Variants in IYD observed in about 807,000 individuals in gnomAD.
The protein encoded by IYD is iodotyrosine deiodinase.
A neutral mutation model predicts 28.4 loss-of-function variants in IYD; 25 were observed. The observed-to-expected ratio is 0.88, with a 90% CI of 0.64 to 1.23. The LOEUF is 1.23. Among genes scored for constraint, IYD ranks in the 50% most tolerant of loss-of-function variants. IYD has a pLI of 0.00. For missense variants in IYD, 352 were observed against 357.9 expected, an observed-to-expected ratio of 0.98 and a Z score of 0.13; for synonymous variants, 140 against 130.8, an observed-to-expected ratio of 1.07 and a Z score of -0.48.
chr6:150,372,352 T>TTG (rs1204713539), intron 1 of IYD, among the ~76,000 whole-genome samples: 3 of 117,672 alleles, frequency 2.5e-5, no homozygotes, highest in Non-Finnish European at 5.4e-5. Flanking sequence ...GAACATTGTG[T>TTG]GTCCATGCTT....
At chr6:150,378,561 C>G (rs1455380027) in intron 1 of IYD, among the ~76,000 whole-genome samples, 1 of 152,154 alleles carries the variant, frequency 6.6e-6, no homozygotes, top group Non-Finnish European at 1.5e-5. Context: ...CACTGGCCAT[C>G]AGAGAAATGC....
rs187759242 is a variant in IYD at position 150,393,459 on chromosome 6, A to G, written c.531-640A>G. Among the ~76,000 whole-genome samples, 563 of 152,328 alleles carry G rather than the reference A, an allele frequency of 3.7e-3. 4 individuals carry two copies. The highest frequency in any genetic ancestry group is 6.8e-3 in the Middle Eastern group (2 of 294). On this transcript the variant is annotated intron_variant, in intron 3 of 4. Coordinates refer to ENST00000344419, the MANE Select transcript of IYD (RefSeq NM_203395.3). The stretch of plus-strand genomic sequence containing the variant: ...ACAAGTGAGTTTCGTGTGCTTTGGA[A>G]TGAGGAAGCATAACCAAGCTAGAAA...
rs1274395737 is a variant in IYD at position 150,399,235 on chromosome 6, A to G, written c.*998A>G. On this transcript the variant is annotated 3_prime_UTR_variant, in exon 5 of 5. Transcript: ENST00000344419. ...CTTGCAAGACAGTTATTAAACATTC[A>G]TAGCTTGAAATTGCCCATGGTGGGA... 6.6e-6 allele frequency: 1 copy of G among 152,232 alleles called. No individual in the cohort carries two copies. The highest frequency in any genetic ancestry group is 6.5e-5 in the Admixed American group (1 of 15,284). The allele number at this position is 152,232 out of a possible 1,614,324, so 9.4% of individuals were successfully genotyped here.
rs767358970 is a variant in IYD at position 150,392,385 on chromosome 6, C to T, written c.411C>T (p.Phe137=). 13 of 1,613,636 alleles carry T rather than the reference C, an allele frequency of 8.1e-6. No individual in the cohort carries two copies. The South Asian group carries it at 8.8e-5, about 11-fold the overall frequency. The part of the protein sequence containing the change: ...PSGAHTEPWT[F]VVVKDPDVKH... ...GGGCTCACACAGAGCCCTGGACCTT[C>T]GTGGTTGTGAAGGACCCAGACGTGA... Residue 137 remains phenylalanine (F), a synonymous_variant, in exon 3 of 5, where the codon TTC becomes TTT. Coordinates refer to ENST00000344419, the MANE Select transcript of IYD (RefSeq NM_203395.3).
chr6:150,398,686 C>CTT lies in IYD; in HGVS notation c.*460_*461dup, dbSNP rs61597872. On this transcript the variant is annotated 3_prime_UTR_variant, in exon 5 of 5. Coordinates refer to ENST00000344419, the MANE Select transcript of IYD (RefSeq NM_203395.3). The stretch of plus-strand genomic sequence containing the variant: ...TTTAGACACTAATTTTTGAGAACTA[C>CTT]TTTTTTTTTTTTACCAAACTTCAGG... The CTT allele has an allele frequency of 2.0e-5, 3 of 150,630 alleles. No individual in the cohort carries two copies. The highest frequency in any genetic ancestry group is 6.5e-5 in the Admixed American group (1 of 15,378). 9.3% of individuals were successfully genotyped at this position (150,630 alleles called of 1,614,324 possible).
At position 150,369,222 on chromosome 6, in the gene IYD, G is replaced by A. The variant is rs1036770217; in HGVS notation, c.178+13G>A. On this transcript the variant is annotated intron_variant, in intron 1 of 4. Coordinates refer to ENST00000344419, the MANE Select transcript of IYD (RefSeq NM_203395.3). ...CAAGCAGAAGAAGGTAAAGACACCAGCTATGCTGCTTAGCTTCGCTGTCGT... is the reference window on the plus strand; with the variant it reads ...CAAGCAGAAGAAGGTAAAGACACCAACTATGCTGCTTAGCTTCGCTGTCGT... 3 of 1,610,264 alleles carry A rather than the reference G, an allele frequency of 1.9e-6. No individual in the cohort carries two copies. In the South Asian group the frequency reaches 3.3e-5, roughly 18 times the overall value.
intron 4 of IYD, chr6:150,395,731 C>T: frequency 7.1e-6 from 5 of 708,948 alleles, no homozygotes; most frequent in Non-Finnish European, 1.3e-5. Flanking sequence ...ATAAGCGCGC[C>T]ATGCATGTCT....
intron 4 of IYD, chr6:150,396,071 A>T (rs74881079): frequency 0.13 from 28,332 of 221,162 alleles, 3,965 homozygotes; most frequent in African/African-American, 0.37. Flanking sequence ...TCGTAGCTCT[A>T]TAATTTTAAA....
rs1294956881 is a variant in IYD at position 150,401,886 on chromosome 6, C to T, written c.*3649C>T. On this transcript the variant is annotated 3_prime_UTR_variant, in exon 5 of 5. Coordinates refer to ENST00000344419, the MANE Select transcript of IYD (RefSeq NM_203395.3). ...ATTTTTAACTCAAAGTTGTGTCAGC[C>T]AGCACGGGGTAGAGCCATGGTCCTC... 1 of 152,198 alleles carries T rather than the reference C, an allele frequency of 6.6e-6. No homozygotes were observed. The highest frequency in any genetic ancestry group is 6.5e-5 in the Admixed American group (1 of 15,284). 9.4% of individuals were successfully genotyped at this position (152,198 alleles called of 1,614,324 possible).
At chr6:150,395,142 C>A (rs1405827956) in intron 4 of IYD, among the ~76,000 whole-genome samples, 1 of 152,200 alleles carries the variant, frequency 6.6e-6, no homozygotes. Context: ...TTCTACGTGG[C>A]AGTTCCTGGG....
chr6:150,373,865 T>A (rs1422812247), intron 1 of IYD, among the ~76,000 whole-genome samples: 1 of 152,244 alleles, frequency 6.6e-6, no homozygotes, highest in Non-Finnish European at 1.5e-5. Context: ...TACTTTCACA[T>A]GGCTAATTTA....
At chr6:150,391,065 C>T (rs768139676) in intron 2 of IYD, among the ~76,000 whole-genome samples, 2 of 151,998 alleles carry the variant, frequency 1.3e-5, no homozygotes, top group Admixed American at 6.6e-5. Flanking sequence ...GGTGAAACCC[C>T]GTCTCTACTA....
In IYD at chr6:150,399,796, G is replaced by A. The variant is rs1008073120; in HGVS notation, c.*1559G>A. 40 of 152,118 alleles carry A rather than the reference G, an allele frequency of 2.6e-4. No individual in the cohort carries two copies. Among genetic ancestry groups the A allele is most frequent in the African/African-American group, 8.9e-4 (37 of 41,410 alleles). The allele number at this position is 152,118 out of a possible 1,614,324, so 9.4% of individuals were successfully genotyped here. A position where few individuals can be genotyped will look rare whatever the true frequency, so the allele number is the denominator to read the frequency against. On this transcript the variant is annotated 3_prime_UTR_variant, in exon 5 of 5. Coordinates refer to ENST00000344419, the MANE Select transcript of IYD (RefSeq NM_203395.3). ...TTATTGTGTCCTCGTGGTAGAAAGA[G>A]GGTTAGAGCCTCTGGCATGCCTTTT...
At position 150,402,441 on chromosome 6, in the gene IYD, A is replaced by T. The variant is rs1287153829; in HGVS notation, c.*4204A>T. 3.9e-5 allele frequency: 6 copies of T among 152,274 alleles called. No individual in the cohort carries two copies. Among genetic ancestry groups the T allele is most frequent in the African/African-American group, 1.4e-4 (6 of 41,466 alleles). The allele number at this position is 152,274 out of a possible 1,614,324, so 9.4% of individuals were successfully genotyped here. On this transcript the variant is annotated 3_prime_UTR_variant, in exon 5 of 5. Transcript: ENST00000344419. ...CCTGCACCTGCAAGGAAGGAGGCCCAGATGTGTGTAGGTGCTGGATGTCTC... is the reference window on the plus strand; with the variant it reads ...CCTGCACCTGCAAGGAAGGAGGCCCTGATGTGTGTAGGTGCTGGATGTCTC...
chr6:150,400,211 TGA>T lies in IYD; in HGVS notation c.*1975_*1976del, dbSNP rs1344161898. The T allele has an allele frequency of 1.3e-5, 2 of 152,160 alleles. No homozygotes were observed. Among genetic ancestry groups the T allele is most frequent in the Non-Finnish European group, 2.9e-5 (2 of 68,022 alleles). The allele number at this position is 152,160 out of a possible 1,614,324, so 9.4% of individuals were successfully genotyped here. A position where few individuals can be genotyped will look rare whatever the true frequency, so the allele number is the denominator to read the frequency against. ...AGCCTTACCCCATCAGAGACCAACTTGAAAGATTTTTTTCTCTGTGTAGTTCG... is the reference window on the plus strand; with the variant it reads ...AGCCTTACCCCATCAGAGACCAACTTAAGATTTTTTTCTCTGTGTAGTTCG... On this transcript the variant is annotated 3_prime_UTR_variant, in exon 5 of 5. Transcript: ENST00000344419.
chr6:150,380,370 A>G lies in IYD; in HGVS notation c.179-8982A>G, dbSNP rs1582778528. ...CCACTGCAAAATCATTGCTATTGGC[A>G]TTTCCTGAGCAGATGTCTAAAAAAA... On this transcript the variant is annotated intron_variant, in intron 1 of 4. Transcript: ENST00000344419. 3.9e-5 allele frequency among the ~76,000 whole-genome samples: 6 copies of G among 152,214 alleles called. 1 individual carries two copies. Among genetic ancestry groups the G allele is most frequent in the Admixed American group, 3.9e-4 (6 of 15,282 alleles).
intron 3 of IYD, among the ~76,000 whole-genome samples, chr6:150,393,227 C>G (rs1290293313): frequency 6.6e-6 from 1 of 152,208 alleles, no homozygotes; most frequent in Non-Finnish European, 1.5e-5. Context: ...GAGGTAACAG[C>G]TCCAGGGGAG....
At position 150,405,574 on chromosome 6, in the gene IYD, C is replaced by T. The variant is rs1200492878; in HGVS notation, c.*7337C>T. The T allele has an allele frequency of 1.3e-5, 2 of 152,212 alleles. No homozygotes were observed. The highest frequency in any genetic ancestry group is 2.9e-5 in the Non-Finnish European group (2 of 68,090). The allele number at this position is 152,212 out of a possible 1,614,324, so 9.4% of individuals were successfully genotyped here. A position where few individuals can be genotyped will look rare whatever the true frequency, so the allele number is the denominator to read the frequency against. ...TGGCAGAAAGAAAAGCAAACATGCC[C>T]TTCTTCACATGGTGACAGGAAGCAG... On this transcript the variant is annotated 3_prime_UTR_variant, in exon 5 of 5. Transcript: ENST00000344419.
chr6:150,380,878 C>A (rs1777622670), intron 1 of IYD, among the ~76,000 whole-genome samples: 1 of 152,158 alleles, frequency 6.6e-6, no homozygotes, highest in African/African-American at 2.4e-5. Context: ...GCTCCCCTCC[C>A]CAAACTCTGT....
Sources: gnomAD v4.1 joint callset for allele counts (sites outside exome capture counted in the v4.1 genomes callset) on GRCh38, gnomAD v4.1.1 for gene constraint, MANE v1.5 for transcripts, NCBI Gene and HGNC (gene_info 2026-07-23, HGNC 2026-07-21) for gene names.